The following PCDH9 variants were observed in gnomAD, a reference collection of about 807,000 sequenced individuals.
PCDH9 encodes protocadherin-9.
A neutral mutation model predicts 70.6 loss-of-function variants in PCDH9; 24 were observed. That is an observed-to-expected ratio of 0.34 (90% CI 0.25 to 0.48). PCDH9 has a LOEUF of 0.48. Ranked by LOEUF, PCDH9 falls within the 20% of genes least tolerant of loss-of-function variation. The probability of loss-of-function intolerance (pLI) is 0.99; values close to 1 mark genes in which losing one functional copy is unlikely to be tolerated. For missense variants in PCDH9, 1,281 were observed against 1,503.6 expected, an observed-to-expected ratio of 0.85 and a Z score of 2.45; for synonymous variants, 562 against 558.5, an observed-to-expected ratio of 1.01 and a Z score of -0.09.
chr13:66,608,785 G>A (rs1396981000), intron 4 of PCDH9, among the ~76,000 whole-genome samples: 1 of 151,872 alleles, frequency 6.6e-6, no homozygotes, highest in Non-Finnish European at 1.5e-5. Flanking sequence ...AAGAGAGAGA[G>A]CAACAGTTCT....
intron 4 of PCDH9, among the ~76,000 whole-genome samples, chr13:66,525,785 G>A (rs1437366832): frequency 6.6e-6 from 1 of 152,122 alleles, no homozygotes; most frequent in Non-Finnish European, 1.5e-5. Context: ...TTAAGAATCA[G>A]CGTGGCCAAA....
chr13:67,161,804 T>C (rs1469452576), intron 2 of PCDH9, among the ~76,000 whole-genome samples: 4 of 152,212 alleles, frequency 2.6e-5, no homozygotes, highest in Non-Finnish European at 4.4e-5. Flanking sequence ...CTTACAAATA[T>C]CTGTAATCTG....
At chr13:67,193,290 A>T (rs2088967383) in intron 2 of PCDH9, among the ~76,000 whole-genome samples, 1 of 151,754 alleles carries the variant, frequency 6.6e-6, no homozygotes, top group South Asian at 2.1e-4. Flanking sequence ...GTTCTTGGTC[A>T]ACTGCATATG....
chr13:66,558,278 G>T (rs1228627399), intron 4 of PCDH9, among the ~76,000 whole-genome samples: 1 of 152,094 alleles, frequency 6.6e-6, no homozygotes, highest in African/African-American at 2.4e-5. Flanking sequence ...AGACTTTTCA[G>T]AGATCATTTT....
chr13:66,779,847 C>CTATATATATATATATA (rs1282944249), intron 3 of PCDH9, among the ~76,000 whole-genome samples: 1 of 59,698 alleles, frequency 1.7e-5, no homozygotes, highest in African/African-American at 6.4e-5. Flanking sequence ...CTCTCTCTCT[C>CTATATATATATATATA]TCTATATATA....
chr13:66,894,021 A>G (rs561448056), intron 3 of PCDH9, among the ~76,000 whole-genome samples: 5 of 152,232 alleles, frequency 3.3e-5, no homozygotes, highest in African/African-American at 9.6e-5. Context: ...TAAAAACAAA[A>G]TTCTAATATT....
At chr13:67,114,292 T>C (rs1594530866) in intron 2 of PCDH9, among the ~76,000 whole-genome samples, 2 of 152,178 alleles carry the variant, frequency 1.3e-5, no homozygotes, top group East Asian at 3.9e-4. Flanking sequence ...ATATAATATA[T>C]GTAAATCTGT....
chr13:66,935,262 C>T (rs1194458287), intron 2 of PCDH9, among the ~76,000 whole-genome samples: 1 of 151,896 alleles, frequency 6.6e-6, no homozygotes, highest in South Asian at 2.1e-4. Flanking sequence ...CACTGTTTGG[C>T]CTAGGCAGGT....
At chr13:66,468,640 A>G (rs1958559437) in intron 4 of PCDH9, among the ~76,000 whole-genome samples, 1 of 152,168 alleles carries the variant, frequency 6.6e-6, no homozygotes, top group Non-Finnish European at 1.5e-5. Context: ...ATTTTTGACT[A>G]GTATCCTAGT....
At chr13:66,782,448 A>T (rs923707136) in intron 3 of PCDH9, among the ~76,000 whole-genome samples, 14 of 152,082 alleles carry the variant, frequency 9.2e-5, no homozygotes, top group African/African-American at 3.4e-4. Context: ...GGTAGTCACA[A>T]CACACGATTA....
intron 4 of PCDH9, among the ~76,000 whole-genome samples, chr13:66,540,989 T>C (rs1768748990): frequency 6.6e-6 from 1 of 152,164 alleles, no homozygotes; most frequent in African/African-American, 2.4e-5. Flanking sequence ...CAGATTAGGT[T>C]AGTGAATTCT....
chr13:66,690,096 T>C (rs1026391188), intron 3 of PCDH9, among the ~76,000 whole-genome samples: 1 of 152,166 alleles, frequency 6.6e-6, no homozygotes, highest in Non-Finnish European at 1.5e-5. Context: ...AAATAAACCA[T>C]GCAATAAGAA....
chr13:66,705,919 T>C (rs1205179051), intron 3 of PCDH9, among the ~76,000 whole-genome samples: 1 of 152,212 alleles, frequency 6.6e-6, no homozygotes, highest in Non-Finnish European at 1.5e-5. Flanking sequence ...GGCTACTTTT[T>C]CCTGGCCCTG....
intron 2 of PCDH9, among the ~76,000 whole-genome samples, chr13:66,965,482 C>A (rs2083415594): frequency 6.6e-6 from 1 of 152,086 alleles, no homozygotes; most frequent in African/African-American, 2.4e-5. Context: ...GGAAGTCTTC[C>A]AGATTACACT....
intron 2 of PCDH9, among the ~76,000 whole-genome samples, chr13:67,007,681 C>T (rs151323416): frequency 3.9e-5 from 6 of 152,208 alleles, no homozygotes; most frequent in Non-Finnish European, 7.4e-5. Flanking sequence ...TCCTCATGTG[C>T]GTGCAGGTAA....
intron 3 of PCDH9, among the ~76,000 whole-genome samples, chr13:66,795,396 C>A (rs191190440): frequency 6.6e-6 from 1 of 152,140 alleles, no homozygotes; most frequent in Admixed American, 6.6e-5. Flanking sequence ...AATTGATTAA[C>A]AAATACTTGT....
chr13:66,969,420 T>C (rs1482718066), intron 2 of PCDH9, among the ~76,000 whole-genome samples: 1 of 152,060 alleles, frequency 6.6e-6, no homozygotes, highest in Non-Finnish European at 1.5e-5. Context: ...GCTTATATAC[T>C]AATAATAAAT....
chr13:67,054,038 C>T (rs1309219922), intron 2 of PCDH9, among the ~76,000 whole-genome samples: 2 of 152,122 alleles, frequency 1.3e-5, no homozygotes, highest in African/African-American at 4.8e-5. Flanking sequence ...TTGCGCCCTC[C>T]TCCCTCACCA....
chr13:66,958,971 C>T (rs2083304195), intron 2 of PCDH9, among the ~76,000 whole-genome samples: 1 of 152,214 alleles, frequency 6.6e-6, no homozygotes. Context: ...CTATACTAAA[C>T]TCAACCTTTA....
Sources: allele counts gnomAD v4.1 joint callset (sites outside exome capture counted in the v4.1 genomes callset), GRCh38; gene constraint gnomAD v4.1.1; transcripts MANE v1.5; gene names NCBI Gene and HGNC (gene_info 2026-07-23, HGNC 2026-07-21).